CHLSN: variants seen among roughly 807,000 people sequenced by gnomAD.
The protein encoded by CHLSN is cholesin, also known as protein cholesin.
At chr7:1,136,915 T>C in the CHLSN span, among the ~76,000 whole-genome samples, 2 of 152,056 alleles carry the variant, frequency 1.3e-5, no homozygotes, top group African/African-American at 4.8e-5. Context: ...CTCCTGTTGG[T>C]TTACCACTGA....
the CHLSN span, among the ~76,000 whole-genome samples, chr7:1,115,906 C>A: frequency 1.8e-5 from 2 of 112,034 alleles, 1 homozygote; most frequent in Non-Finnish European, 3.8e-5. Context: ...CCAACGCCCA[C>A]GCAGGATGAC....
chr7:1,116,757 G>A, the CHLSN span, among the ~76,000 whole-genome samples: 3 of 60,484 alleles, frequency 5.0e-5, no homozygotes, highest in Non-Finnish European at 5.6e-5. Context: ...ACAGCTCTAC[G>A]GACAGGCTTC....
At chr7:1,122,573 T>G in the CHLSN span, among the ~76,000 whole-genome samples, 1 of 152,072 alleles carries the variant, frequency 6.6e-6, no homozygotes. Context: ...CCGAGTCACA[T>G]GACCTCCCAC....
At chr7:1,023,624 AACACACACACACACACACACACACACAC>A in the CHLSN span, among the ~76,000 whole-genome samples, 14 of 122,302 alleles carry the variant, frequency 1.1e-4, no homozygotes, top group Admixed American at 5.5e-4. The surrounding 1 kb of genome is among the most constrained non-coding windows in gnomAD (Gnocchi z 5.0). Context: ...CCTCCCAGGA[AACACACACACACACACACACACACACAC>A]ACACACACAC....
the CHLSN span, among the ~76,000 whole-genome samples, chr7:1,023,510 C>T: frequency 6.6e-6 from 1 of 151,866 alleles, no homozygotes; most frequent in African/African-American, 2.4e-5. The surrounding 1 kb of genome is among the most constrained non-coding windows in gnomAD (Gnocchi z 5.0). Context: ...CCGCAGGCTC[C>T]TTCCTAGGAA....
At chr7:1,008,988 AACAC>A in the CHLSN span, among the ~76,000 whole-genome samples, 1 of 94,914 alleles carries the variant, frequency 1.1e-5, no homozygotes, top group Non-Finnish European at 2.1e-5. Flanking sequence ...CACCCATGCG[AACAC>A]ACATACACGC....
At chr7:1,067,945 G>A in the CHLSN span, among the ~76,000 whole-genome samples, 3 of 152,114 alleles carry the variant, frequency 2.0e-5, no homozygotes, top group African/African-American at 7.2e-5. Context: ...ACACAGGCTG[G>A]AGTGCACACC....
chr7:1,111,616 G>A, the CHLSN span, among the ~76,000 whole-genome samples: 1 of 152,180 alleles, frequency 6.6e-6, no homozygotes, highest in Non-Finnish European at 1.5e-5. Context: ...CCTAGGCAAC[G>A]TAGGGAGACT....
chr7:1,089,996 AC>A, the CHLSN span, among the ~76,000 whole-genome samples: 11 of 151,788 alleles, frequency 7.2e-5, no homozygotes, highest in African/African-American at 2.4e-4. Context: ...AGGCAGGAGA[AC>A]CACTCTAACC....
chr7:1,026,172 G>C, the CHLSN span: 1 of 152,380 alleles, frequency 6.6e-6, no homozygotes, highest in Non-Finnish European at 1.5e-5. Context: ...GTATCCACAG[G>C]TAGGGCTGGG....
chr7:1,010,106 G>A, the CHLSN span: 1 of 1,612,776 alleles, frequency 6.2e-7, no homozygotes, highest in Non-Finnish European at 8.5e-7. Context: ...GGACAGCTCT[G>A]GCTCTGCGTC....
the CHLSN span, chr7:988,916 C>A: frequency 1.2e-6 from 1 of 806,500 alleles, no homozygotes; most frequent in Non-Finnish European, 1.9e-6. Flanking sequence ...TCGGACTGCT[C>A]TGGGAGGGCC....
chr7:982,559 T>C, the CHLSN span, among the ~76,000 whole-genome samples: 19 of 152,342 alleles, frequency 1.2e-4, no homozygotes, highest in African/African-American at 4.3e-4. Flanking sequence ...TTGCATCCCC[T>C]GCCCGGGCGG....
At chr7:1,078,341 C>T in the CHLSN span, among the ~76,000 whole-genome samples, 7 of 142,872 alleles carry the variant, frequency 4.9e-5, no homozygotes, top group African/African-American at 1.5e-4. Flanking sequence ...TTTCCACCAG[C>T]TGCGGGGTGG....
the CHLSN span, among the ~76,000 whole-genome samples, chr7:989,942 CTGG>C: frequency 1.6e-5 from 2 of 128,468 alleles, no homozygotes; most frequent in East Asian, 5.0e-4. Context: ...GGCACCTGTG[CTGG>C]TGGTGGCGTG....
chr7:1,044,566 C>T, the CHLSN span: 1 of 150,788 alleles, frequency 6.6e-6, no homozygotes, highest in Non-Finnish European at 1.5e-5. Context: ...GTACACAGGG[C>T]CCGGGCGGCG....
the CHLSN span, among the ~76,000 whole-genome samples, chr7:982,613 C>T: frequency 6.6e-6 from 1 of 152,244 alleles, no homozygotes; most frequent in Non-Finnish European, 1.5e-5. Flanking sequence ...GCGAGAACAC[C>T]CTCAGGGAGA....
chr7:1,127,047 A>G, the CHLSN span, among the ~76,000 whole-genome samples: 1 of 152,146 alleles, frequency 6.6e-6, no homozygotes, highest in African/African-American at 2.4e-5. Flanking sequence ...GCAGCTAAGA[A>G]AGGCAGTCAT....
At chr7:1,089,832 C>T in the CHLSN span, among the ~76,000 whole-genome samples, 1 of 151,718 alleles carries the variant, frequency 6.6e-6, no homozygotes, top group South Asian at 2.1e-4. Context: ...CCTGTAATCC[C>T]AGCACCGTGG....
Sources: allele counts gnomAD v4.1 joint callset (sites outside exome capture counted in the v4.1 genomes callset), GRCh38; gene constraint gnomAD v4.1.1; non-coding constraint Gnocchi (gnomAD v3.1); transcripts MANE v1.5; gene names NCBI Gene and HGNC (gene_info 2026-07-23, HGNC 2026-07-21).